TOX2: variants seen among roughly 807,000 people sequenced by gnomAD.
TOX2 encodes the protein granulosa cell HMG box 1.
Under a neutral mutation model 47.4 loss-of-function variants are expected in TOX2, and 15 were observed. That is an observed-to-expected ratio of 0.32 (90% CI 0.21 to 0.49). TOX2 has a LOEUF of 0.49. Among genes scored for constraint, TOX2 ranks in the 20% least tolerant of loss-of-function variants. The pLI is 0.99. For missense variants in TOX2, 622 were observed against 673.1 expected (o/e 0.92, Z 0.84); for synonymous variants, 290 against 296.6 (o/e 0.98, Z 0.23).
chr20:43,951,707 G>GTTTTTGTTTTTTTTTTTTTTTTTTTTT (rs2069571746), intron 1 of TOX2, among the ~76,000 whole-genome samples: 1 of 55,098 alleles, frequency 1.8e-5, no homozygotes, highest in Admixed American at 2.4e-4. Context: ...AACTTATTAT[G>GTTTTTGTTTTTTTTTTTTTTTTTTTTT]TTTTTTTTTT....
At chr20:44,016,161 C>T (rs2070874898) in intron 3 of TOX2, among the ~76,000 whole-genome samples, 1 of 151,994 alleles carries the variant, frequency 6.6e-6, no homozygotes, top group African/African-American at 2.4e-5. Context: ...TCACTGAGCA[C>T]CTGCTCTGCA....
intron 3 of TOX2, among the ~76,000 whole-genome samples, chr20:44,036,910 G>A (rs1016247263): frequency 3.9e-5 from 6 of 152,178 alleles, no homozygotes; most frequent in African/African-American, 1.4e-4. Context: ...GCTCCCTCCT[G>A]GCATCCCTCT....
At chr20:44,049,531 T>C (rs1600783473) in intron 3 of TOX2, among the ~76,000 whole-genome samples, 1 of 152,246 alleles carries the variant, frequency 6.6e-6, no homozygotes. Flanking sequence ...ATATGCAGGA[T>C]GTGCAGGTTT....
At chr20:43,995,775 T>C (rs1424546557) in intron 2 of TOX2, among the ~76,000 whole-genome samples, 1 of 152,246 alleles carries the variant, frequency 6.6e-6, no homozygotes, top group South Asian at 2.1e-4. Context: ...TGCTTTTCTG[T>C]TCCTGCATTA....
chr20:43,916,100 G>A lies in TOX2; in HGVS notation c.99+1110G>A. On this transcript the variant is annotated intron_variant, in intron 1 of 8. Coordinates refer to ENST00000341197, the MANE Select transcript of TOX2 (RefSeq NM_001098797.2). The surrounding 1 kb of genome is among the most constrained non-coding windows in gnomAD (Gnocchi z 5.0). ...CCGCCAGTCGGTGCGTCGGTCCCGGGCCGGCTGGAGCCAAGCGCGGGTTTT... is the reference window on the plus strand; with the variant it reads ...CCGCCAGTCGGTGCGTCGGTCCCGGACCGGCTGGAGCCAAGCGCGGGTTTT... 1.0e-6 allele frequency: 1 copy of A among 984,854 alleles called. No homozygotes were observed. The highest frequency in any genetic ancestry group is 1.2e-6 in the Non-Finnish European group (1 of 829,364). The allele number at this position is 984,854 out of a possible 1,614,324, so 61.0% of individuals were successfully genotyped here.
Position 44,010,827 on chromosome 20 carries a change from G to A in TOX2, c.411+4035G>A, listed in dbSNP as rs183186652. Among the ~76,000 whole-genome samples the A allele has an allele frequency of 1.4e-4, 21 of 152,262 alleles. No homozygotes were observed. The East Asian group carries it at 3.3e-3, about 24-fold the overall frequency. On this transcript the variant is annotated intron_variant, in intron 3 of 8. Coordinates refer to ENST00000341197, the MANE Select transcript of TOX2 (RefSeq NM_001098797.2). Reference sequence around the variant, plus strand: ...TATTAGTGTCTCATGGCTGTTCCAAGAGATTGCCACCAACTTGGGGGCTTA... The same window carrying A: ...TATTAGTGTCTCATGGCTGTTCCAAAAGATTGCCACCAACTTGGGGGCTTA...
intron 3 of TOX2, among the ~76,000 whole-genome samples, chr20:44,046,468 A>G (rs1397947801): frequency 1.3e-5 from 2 of 151,622 alleles, no homozygotes; most frequent in Non-Finnish European, 3.0e-5. Context: ...ATGTCTACTC[A>G]AGAGAATTGA....
chr20:44,049,582 T>TATCA (rs1427328761), intron 3 of TOX2, among the ~76,000 whole-genome samples: 2 of 152,238 alleles, frequency 1.3e-5, no homozygotes, highest in African/African-American at 4.8e-5. Context: ...TTGCTGTACC[T>TATCA]ATCAACTCAT....
chr20:44,035,580 T>C (rs546044845), intron 3 of TOX2, among the ~76,000 whole-genome samples: 2 of 152,184 alleles, frequency 1.3e-5, no homozygotes, highest in Admixed American at 6.5e-5. Context: ...CCATGTGTTC[T>C]CTAACCCAGC....
chr20:43,964,915 G>A lies in TOX2; in HGVS notation c.100-8452G>A, dbSNP rs114130069. 5.0e-3 allele frequency among the ~76,000 whole-genome samples: 763 copies of A among 152,284 alleles called. 7 individuals carry two copies. The highest frequency in any genetic ancestry group is 0.018 in the African/African-American group (730 of 41,544). ...CCTCCTTTGCTTCCTACATCATGGA[G>A]CCTCCAAGTCACTTTTTCAGGATGC... On this transcript the variant is annotated intron_variant, in intron 1 of 8. Coordinates refer to ENST00000341197, the MANE Select transcript of TOX2 (RefSeq NM_001098797.2).
At chr20:44,052,909 G>A (rs955045348) in intron 4 of TOX2, among the ~76,000 whole-genome samples, 2 of 152,200 alleles carry the variant, frequency 1.3e-5, no homozygotes, top group Admixed American at 1.3e-4. Flanking sequence ...TCTTGCTAGG[G>A]TCACACCACG....
intron 5 of TOX2, among the ~76,000 whole-genome samples, chr20:44,056,606 C>T (rs189507637): frequency 7.2e-5 from 11 of 152,268 alleles, no homozygotes; most frequent in African/African-American, 2.4e-4. Context: ...ACCTGTCTGA[C>T]GTTTTATTTC....
intron 3 of TOX2, among the ~76,000 whole-genome samples, chr20:44,031,870 G>A (rs778433746): frequency 7.9e-5 from 12 of 151,656 alleles, no homozygotes; most frequent in East Asian, 5.8e-4. Flanking sequence ...TAGGTGTCGC[G>A]GTCTAGATAC....
chr20:43,951,705 A>ATTTTTTTTTT (rs1212223106), intron 1 of TOX2, among the ~76,000 whole-genome samples: 3 of 30,384 alleles, frequency 9.9e-5, no homozygotes, highest in Admixed American at 3.8e-4. Context: ...TAAACTTATT[A>ATTTTTTTTTT]TGTTTTTTTT....
intron 2 of TOX2, among the ~76,000 whole-genome samples, chr20:43,992,558 C>T (rs367776913): frequency 2.0e-5 from 3 of 152,080 alleles, no homozygotes; most frequent in Admixed American, 6.5e-5. Context: ...GCCTTCAGAT[C>T]GAGCCAGGCC....
At chr20:44,044,114 C>A (rs1465590841) in intron 3 of TOX2, among the ~76,000 whole-genome samples, 1 of 106,322 alleles carries the variant, frequency 9.4e-6, no homozygotes, top group Non-Finnish European at 2.1e-5. Flanking sequence ...AGGATGAGTT[C>A]ACGTCCTTTG....
chr20:44,017,360 G>A (rs1045400823), intron 3 of TOX2, among the ~76,000 whole-genome samples: 5 of 152,168 alleles, frequency 3.3e-5, no homozygotes, highest in African/African-American at 1.2e-4. Flanking sequence ...TAGGAGTGGC[G>A]GGCAGGGAAC....
At chr20:44,056,913 T>C (rs1347582022) in intron 5 of TOX2, among the ~76,000 whole-genome samples, 1 of 152,160 alleles carries the variant, frequency 6.6e-6, no homozygotes, top group Non-Finnish European at 1.5e-5. Context: ...GTCTCCTTTG[T>C]TATTTGTTTT....
chr20:44,029,590 T>G (rs187507933), intron 3 of TOX2, among the ~76,000 whole-genome samples: 150 of 152,300 alleles, frequency 9.8e-4, no homozygotes, highest in Non-Finnish European at 1.6e-3. Context: ...AATGAGAACA[T>G]GGCCTGTGAG....
Sources: allele counts gnomAD v4.1 joint callset (sites outside exome capture counted in the v4.1 genomes callset), GRCh38; gene constraint gnomAD v4.1.1; non-coding constraint Gnocchi (gnomAD v3.1); transcripts MANE v1.5; gene names NCBI Gene and HGNC (gene_info 2026-07-23, HGNC 2026-07-21).